Variants in TTK observed in about 807,000 individuals in gnomAD.
TTK encodes the protein TTK protein kinase.
TTK carries 59 observed loss-of-function variants against 117.3 expected under a neutral mutation model. The observed-to-expected ratio is 0.50, with a 90% confidence interval of 0.41 to 0.62. The LOEUF (loss-of-function observed/expected upper bound fraction) is 0.62. Ranked by LOEUF, TTK falls within the 20% of genes least tolerant of loss-of-function variation. TTK has a pLI of 0.00. For missense variants in TTK, 921 were observed against 989.4 expected (o/e 0.93, Z 0.93); for synonymous variants, 302 against 325.0 (o/e 0.93, Z 0.76).
At chr6:80,015,652 T>C (rs1309468769) in intron 10 of TTK, among the ~76,000 whole-genome samples, 1 of 152,212 alleles carries the variant, frequency 6.6e-6, no homozygotes, top group Non-Finnish European at 1.5e-5. Context: ...CATATTTTCT[T>C]GGCATCTATT....
At chr6:80,013,587 T>C in intron 9 of TTK, 1 of 376,368 alleles carries the variant, frequency 2.7e-6, no homozygotes, top group Non-Finnish European at 4.7e-6. Flanking sequence ...ATCAACAATC[T>C]TTTAAGAGAA....
Position 80,013,263 on chromosome 6 carries a change from G to C in TTK, c.897-16G>C, listed in dbSNP as rs1767212660. The stretch of plus-strand genomic sequence containing the variant: ...TCAAATTTAATGTTAAAATTATTTT[G>C]TTTCACGGGTAAAAGACAAACCTCT... On this transcript the variant is annotated splice_polypyrimidine_tract_variant and intron_variant, in intron 8 of 21. Coordinates refer to ENST00000369798, the MANE Select transcript of TTK (RefSeq NM_003318.5). The C allele has an allele frequency of 6.4e-7, 1 of 1,560,234 alleles. No individual in the cohort carries two copies. Among genetic ancestry groups the C allele is most frequent in the African/African-American group, 1.4e-5 (1 of 70,958 alleles).
Position 80,013,154 on chromosome 6 carries a change from T to C in TTK, c.897-125T>C, listed in dbSNP as rs569035503. On this transcript the variant is annotated intron_variant, in intron 8 of 21. Coordinates refer to ENST00000369798, the MANE Select transcript of TTK (RefSeq NM_003318.5). ...ATTATGTCACTCTAAAAAATGTCTT[T>C]TTAAGAGATTTTTTTCAATAAAAAG... 4 of 758,584 alleles carry C rather than the reference T, an allele frequency of 5.3e-6. No individual in the cohort carries two copies. The African/African-American group carries it at 5.5e-5, about 10-fold the overall frequency. 47.0% of individuals were successfully genotyped at this position (758,584 alleles called of 1,614,324 possible). A position where few individuals can be genotyped will look rare whatever the true frequency, so the allele number is the denominator to read the frequency against.
intron 11 of TTK, among the ~76,000 whole-genome samples, chr6:80,025,520 A>G (rs915430554): frequency 5.9e-5 from 9 of 152,350 alleles, no homozygotes; most frequent in African/African-American, 1.7e-4. Flanking sequence ...GTGAGTGCTT[A>G]GTTACTAAAA....
intron 14 of TTK, 45 bp from the exon 15 acceptor site, chr6:80,034,940 T>G (rs1767854717): frequency 7.4e-7 from 1 of 1,353,320 alleles, no homozygotes; most frequent in Non-Finnish European, 9.7e-7. Context: ...TGTGTGATAG[T>G]GTATAAATAG....
At chr6:80,007,523 A>G (rs1181222492) in intron 2 of TTK, among the ~76,000 whole-genome samples, 1 of 152,120 alleles carries the variant, frequency 6.6e-6, no homozygotes, top group Non-Finnish European at 1.5e-5. Context: ...CTTAAACTAC[A>G]TACAATTTTT....
intron 9 of TTK, 120 bp from the exon 10 acceptor site, chr6:80,014,337 ATATAAT>A (rs1767246542): frequency 1.4e-6 from 1 of 738,976 alleles, no homozygotes; most frequent in African/African-American, 1.8e-5. Context: ...GTGAGTCTAC[ATATAAT>A]TATAATAGAA....
chr6:80,012,254 G>T (rs1358697910), intron 8 of TTK, among the ~76,000 whole-genome samples: 2 of 151,996 alleles, frequency 1.3e-5, no homozygotes, highest in Non-Finnish European at 2.9e-5. Flanking sequence ...TTGAGGATTT[G>T]TCACTTACGG....
At chr6:80,014,713 T>G in intron 10 of TTK, 127 bp downstream of exon 10, 3 of 1,014,658 alleles carry the variant, frequency 3.0e-6, no homozygotes, top group Non-Finnish European at 4.2e-6. Flanking sequence ...ATCTTGAATT[T>G]CCGTTCAGTT....
intron 10 of TTK, among the ~76,000 whole-genome samples, chr6:80,020,693 G>A (rs911015761): frequency 6.6e-6 from 1 of 152,184 alleles, no homozygotes. Context: ...AAAGCTTGAC[G>A]CAGATACAAG....
intron 11 of TTK, among the ~76,000 whole-genome samples, chr6:80,026,061 G>C (rs545356417): frequency 2.1e-4 from 32 of 152,218 alleles, no homozygotes; most frequent in Non-Finnish European, 2.8e-4. Context: ...TACTATTTTA[G>C]ATGATAAGAA....
At chr6:80,035,465 A>AGT in intron 16 of TTK, 48 bp downstream of exon 16, 1 of 1,528,624 alleles carries the variant, frequency 6.5e-7, no homozygotes, top group Non-Finnish European at 8.8e-7. Flanking sequence ...CTTTGTTAAT[A>AGT]GTGTCATCTT....
At chr6:80,010,766 G>A (rs1304754091) in intron 4 of TTK, 48 bp from the exon 5 acceptor site, 1 of 1,518,648 alleles carries the variant, frequency 6.6e-7, no homozygotes, top group Non-Finnish European at 8.8e-7. Context: ...GGTCTGGGTG[G>A]TGGGCATTTT....
chr6:80,009,101 T>C (rs1325575284), intron 4 of TTK, among the ~76,000 whole-genome samples: 1 of 152,126 alleles, frequency 6.6e-6, no homozygotes, highest in East Asian at 1.9e-4. Context: ...ATTTTTAACC[T>C]GGCCATTCCT....
intron 12 of TTK, among the ~76,000 whole-genome samples, chr6:80,027,121 C>T (rs553134233): frequency 2.0e-5 from 3 of 152,190 alleles, no homozygotes; most frequent in South Asian, 2.1e-4. Context: ...AACCATCAAC[C>T]GGTGGCTATA....
chr6:80,026,552 T>C (rs746050055), intron 12 of TTK, 38 bp downstream of exon 12: 5 of 1,610,172 alleles, frequency 3.1e-6, no homozygotes, highest in Non-Finnish European at 4.2e-6. Context: ...GGCAGGGTGG[T>C]ATGATAGAAT....
intron 2 of TTK, 31 bp downstream of exon 2, chr6:80,006,013 CTG>C: frequency 6.3e-7 from 1 of 1,591,822 alleles, no homozygotes. Context: ...AAGTTAGTAA[CTG>C]TTTGTTGGGT....
rs184172698 is a variant in TTK at position 80,006,903 on chromosome 6, A to G, written c.140-906A>G. Among the ~76,000 whole-genome samples, 38 of 152,294 alleles carry G rather than the reference A, an allele frequency of 2.5e-4. No individual in the cohort carries two copies. The East Asian group carries it at 7.1e-3, about 29-fold the overall frequency. On this transcript the variant is annotated intron_variant, in intron 2 of 21. Coordinates refer to ENST00000369798, the MANE Select transcript of TTK (RefSeq NM_003318.5). Reference sequence around the variant, plus strand: ...ACAAATTTTATTTATAAAAGTAAAGATGTAGGCTTTGTTGAAAGTGACTGA... The same window carrying G: ...ACAAATTTTATTTATAAAAGTAAAGGTGTAGGCTTTGTTGAAAGTGACTGA...
At chr6:80,037,309 A>G (rs1027496620) in intron 17 of TTK, among the ~76,000 whole-genome samples, 2 of 152,082 alleles carry the variant, frequency 1.3e-5, no homozygotes, top group African/African-American at 4.8e-5. Context: ...TATCAAAAGT[A>G]TGGCAGATCA....
Sources: allele counts gnomAD v4.1 joint callset (sites outside exome capture counted in the v4.1 genomes callset), GRCh38; gene constraint gnomAD v4.1.1; transcripts MANE v1.5; gene names NCBI Gene and HGNC (gene_info 2026-07-23, HGNC 2026-07-21).